Variants in THSD4 observed in about 807,000 individuals in gnomAD.
THSD4 encodes thrombospondin type-1 domain-containing protein 4.
Under a neutral mutation model 119.0 loss-of-function variants are expected in THSD4, and 69 were observed. That is an observed-to-expected ratio of 0.58 (90% CI 0.48 to 0.71). The LOEUF (loss-of-function observed/expected upper bound fraction) is 0.71. Ranked by LOEUF, THSD4 falls within the 30% of genes least tolerant of loss-of-function variation. The probability of loss-of-function intolerance (pLI) is 0.00; values close to 1 mark genes in which losing one functional copy is unlikely to be tolerated. For missense variants in THSD4, 1,393 were observed against 1,391.1 expected (o/e 1.00, Z -0.02); for synonymous variants, 524 against 540.4 (o/e 0.97, Z 0.42).
chr15:71,272,278 G>C (rs551012190), intron 6 of THSD4, among the ~76,000 whole-genome samples: 1 of 150,930 alleles, frequency 6.6e-6, no homozygotes, highest in African/African-American at 2.4e-5. Flanking sequence ...GCACGCACCT[G>C]TAGTCCCAGC....
At chr15:71,491,829 A>G (rs796426775) in intron 7 of THSD4, among the ~76,000 whole-genome samples, 3 of 152,292 alleles carry the variant, frequency 2.0e-5, no homozygotes, top group African/African-American at 7.2e-5. Flanking sequence ...TGATTGTGCC[A>G]CTGCATTCCA....
At chr15:71,430,550 C>A (rs947282466) in intron 7 of THSD4, among the ~76,000 whole-genome samples, 21 of 151,914 alleles carry the variant, frequency 1.4e-4, no homozygotes, top group Non-Finnish European at 2.9e-5. Flanking sequence ...GAGTGAATTT[C>A]TCTCTTTTTG....
At chr15:71,750,280 G>A (rs1214861032) in intron 14 of THSD4, among the ~76,000 whole-genome samples, 8 of 152,070 alleles carry the variant, frequency 5.3e-5, no homozygotes, top group South Asian at 2.1e-4. Context: ...TGCCCCATAC[G>A]GCCACATTGG....
At chr15:71,519,824 T>C (rs28650139) in intron 7 of THSD4, among the ~76,000 whole-genome samples, 97,511 of 151,698 alleles carry the variant, frequency 0.64, 32,031 homozygotes, top group African/African-American at 0.78. Context: ...AGGGGGAGAG[T>C]GGGCAAGAAA....
intron 8 of THSD4, among the ~76,000 whole-genome samples, chr15:71,681,874 G>A (rs2051789497): frequency 1.3e-5 from 2 of 152,056 alleles, no homozygotes; most frequent in South Asian, 2.1e-4. Context: ...AGGCAAGTAT[G>A]AGGATTGGGC....
At chr15:71,514,556 T>C (rs2048328847) in intron 7 of THSD4, among the ~76,000 whole-genome samples, 1 of 152,224 alleles carries the variant, frequency 6.6e-6, no homozygotes, top group Non-Finnish European at 1.5e-5. Flanking sequence ...CCATCCATGG[T>C]ATTGAATCAG....
intron 15 of THSD4, among the ~76,000 whole-genome samples, chr15:71,763,994 G>A (rs757716544): frequency 6.6e-6 from 1 of 152,096 alleles, no homozygotes; most frequent in African/African-American, 2.4e-5. Flanking sequence ...TTGAGTCTGG[G>A]GAGTGGAGGT....
chr15:71,426,853 A>T (rs908013749), intron 7 of THSD4, among the ~76,000 whole-genome samples: 1 of 152,230 alleles, frequency 6.6e-6, no homozygotes, highest in Non-Finnish European at 1.5e-5. Flanking sequence ...CTGTATCCTC[A>T]GTGCTTAACA....
intron 1 of THSD4, among the ~76,000 whole-genome samples, chr15:71,125,844 G>C (rs1404222296): frequency 6.6e-6 from 1 of 152,244 alleles, no homozygotes; most frequent in Non-Finnish European, 1.5e-5. Context: ...TGTTTTTGCT[G>C]TGTATGTTGG....
At chr15:71,207,073 C>A (rs977318797) in intron 3 of THSD4, among the ~76,000 whole-genome samples, 1 of 152,106 alleles carries the variant, frequency 6.6e-6, no homozygotes. Flanking sequence ...CCATATTGCT[C>A]TGTATTATTC....
intron 6 of THSD4, among the ~76,000 whole-genome samples, chr15:71,389,251 T>C (rs8041361): frequency 0.73 from 111,372 of 151,960 alleles, 41,368 homozygotes; most frequent in Middle Eastern, 0.9. Flanking sequence ...TCTTCCAAAA[T>C]GAAAACTCCA....
chr15:71,321,939 A>T (rs1342009958), intron 6 of THSD4, among the ~76,000 whole-genome samples: 2 of 152,136 alleles, frequency 1.3e-5, no homozygotes, highest in African/African-American at 4.8e-5. Flanking sequence ...TAAAAGCCAG[A>T]GTCAACAATT....
Position 71,327,011 on chromosome 15 carries a change from A to G in THSD4, c.1015+70296A>G, listed in dbSNP as rs528826194. On this transcript the variant is annotated intron_variant, in intron 6 of 17. Transcript: ENST00000261862. ...GGTGAAACCTTGTCTCTACTAAAAT[A>G]CAAAAATTAGCTAGGCATGATGTTG... Among the ~76,000 whole-genome samples, 73 of 151,706 alleles carry G rather than the reference A, an allele frequency of 4.8e-4. 4 individuals carry two copies. The South Asian group carries it at 0.015, about 31-fold the overall frequency.
chr15:71,193,557 G>A (rs1258239028), intron 3 of THSD4, among the ~76,000 whole-genome samples: 3 of 152,076 alleles, frequency 2.0e-5, no homozygotes, highest in Non-Finnish European at 2.9e-5. Flanking sequence ...TGGTGATATG[G>A]TTTGGCCCCC....
At chr15:71,180,945 G>A (rs1033444062) in intron 3 of THSD4, among the ~76,000 whole-genome samples, 1 of 152,038 alleles carries the variant, frequency 6.6e-6, no homozygotes, top group African/African-American at 2.4e-5. Context: ...AAAAAAAAGA[G>A]GAGAAGGAAA....
intron 3 of THSD4, among the ~76,000 whole-genome samples, chr15:71,162,885 T>C (rs2043259923): frequency 6.6e-6 from 1 of 152,032 alleles, no homozygotes; most frequent in Non-Finnish European, 1.5e-5. Flanking sequence ...GTTCAGAAAT[T>C]CTTTCTTCTG....
rs115014515 is a variant in THSD4 at position 71,100,406 on chromosome 15, G to C, written c.-80+3400G>C. ...AGGCCTTCAATCCAACAGCCCAAAAGAAATGAAATTGTCTGAACAACTGTG... is the reference window on the plus strand; with the variant it reads ...AGGCCTTCAATCCAACAGCCCAAAACAAATGAAATTGTCTGAACAACTGTG... On this transcript the variant is annotated intron_variant, in intron 1 of 17. Coordinates refer to the THSD4 transcript ENST00000355327. Among the ~76,000 whole-genome samples, 704 of 152,264 alleles carry C rather than the reference G, an allele frequency of 4.6e-3. 8 individuals are homozygous for C. Among genetic ancestry groups the C allele is most frequent in the African/African-American group, 0.016 (685 of 41,548 alleles).
intron 14 of THSD4, among the ~76,000 whole-genome samples, chr15:71,757,543 A>G (rs78176479): frequency 0.34 from 3,763 of 11,074 alleles, 166 homozygotes; most frequent in South Asian, 0.53. Flanking sequence ...CGATCCTCCC[A>G]CTTCAGCCTC....
chr15:71,290,875 C>CTTTTTTTT (rs11438956), intron 6 of THSD4, among the ~76,000 whole-genome samples: 1 of 129,472 alleles, frequency 7.7e-6, no homozygotes, highest in Non-Finnish European at 1.6e-5. Flanking sequence ...TCCTTTTTTC[C>CTTTTTTTT]TTTTTTTTTT....
Sources: allele counts gnomAD v4.1 joint callset (sites outside exome capture counted in the v4.1 genomes callset), GRCh38; gene constraint gnomAD v4.1.1; transcripts MANE v1.5; gene names NCBI Gene and HGNC (gene_info 2026-07-23, HGNC 2026-07-21).